RALGDS: variants seen among roughly 807,000 people sequenced by gnomAD.
RALGDS encodes ral guanine nucleotide dissociation stimulator, also known as ral guanine nucleotide exchange factor.
In RALGDS, 44 loss-of-function variants were observed where a neutral mutation model predicts 99.8. The observed-to-expected ratio is 0.44, with a 90% confidence interval of 0.35 to 0.57. RALGDS has a LOEUF of 0.57. Among genes scored for constraint, RALGDS ranks in the 20% least tolerant of loss-of-function variants. The pLI is 0.01. For synonymous variants in RALGDS, 529 were observed against 505.0 expected (o/e 1.05, Z -0.64); for missense variants, 1,022 against 1,203.1 (o/e 0.85, Z 2.23).
chr9:133,132,671 GCT>G (rs1216055549), upstream of RALGDS, among the ~76,000 whole-genome samples: 1 of 151,694 alleles, frequency 6.6e-6, no homozygotes, highest in Non-Finnish European at 1.5e-5. Flanking sequence ...ACGGAGTCTC[GCT>G]CTGTCACCCA....
chr9:133,130,976 A>C, exon 1 of RALGDS: 1 of 1,535,578 alleles, frequency 6.5e-7, no homozygotes, highest in Non-Finnish European at 8.7e-7. Flanking sequence ...GGCCGGGTGG[A>C]TGCCCAGTCC....
Position 133,101,989 on chromosome 9 carries a change from C to T in RALGDS, c.2160G>A (p.Glu720=), listed in dbSNP as rs890621721. The T allele has an allele frequency of 1.3e-6, 2 of 1,551,862 alleles. No homozygotes were observed. Among genetic ancestry groups the T allele is most frequent in the Admixed American group, 2.0e-5 (1 of 51,036 alleles). ...HSAGSSSSDV[E]EINISFVPES... ...CCGGGACGAAGCTGATGTTGATCTC[C>T]TCCACGTCGGAGCTAGAGGAGCCGG... The change falls in exon 15 of 18, where the codon GAG becomes GAA. Residue 720 remains glutamate (E), a synonymous_variant. Transcript: ENST00000372050.
intron 4 of RALGDS, among the ~76,000 whole-genome samples, chr9:133,109,246 A>G (rs1442050116): frequency 6.6e-6 from 1 of 152,148 alleles, no homozygotes; most frequent in Non-Finnish European, 1.5e-5. Flanking sequence ...GTTCTCCCAG[A>G]GGGTGGGGTG....
chr9:133,144,516 A>G lies in RALGDS; in HGVS notation c.18+4447T>C, dbSNP rs7864287. On this transcript the variant is annotated intron_variant, in intron 1 of 17. Coordinates refer to the RALGDS transcript ENST00000393160. The surrounding 1 kb of genome is among the most constrained non-coding windows in gnomAD (Gnocchi z 4.5). ...CCTGGCCTGTTTACAGCTGTGCGCA[A>G]GCTCCTCGCGACCCGAAAGCGAGAC... is the stretch of plus-strand genomic sequence containing the variant. Among the ~76,000 whole-genome samples, 56,903 of 151,940 alleles carry G rather than the reference A, an allele frequency of 0.37. 11,379 individuals are homozygous for G. Among genetic ancestry groups the G allele is most frequent in the African/African-American group, 0.5 (20,737 of 41,440 alleles).
intron 1 of RALGDS, 47 bp downstream of exon 1, chr9:133,120,925 G>C: frequency 6.9e-7 from 1 of 1,458,412 alleles, no homozygotes; most frequent in Non-Finnish European, 9.0e-7. Flanking sequence ...TGCCGCGGGT[G>C]GGGAGGCTCC....
intron 4 of RALGDS, among the ~76,000 whole-genome samples, chr9:133,109,128 T>G (rs890375203): frequency 2.0e-5 from 3 of 152,246 alleles, no homozygotes; most frequent in African/African-American, 4.8e-5. Context: ...TCGGTCCTCC[T>G]GCCGGGCATC....
chr9:133,099,246 C>T, intron 17 of RALGDS: 1 of 170,410 alleles, frequency 5.9e-6, no homozygotes, highest in Non-Finnish European at 1.3e-5. Context: ...TTCCCACCAT[C>T]TCCTCTGGCC....
intron 1 of RALGDS, among the ~76,000 whole-genome samples, chr9:133,139,466 C>G (rs115632387): frequency 1.6e-3 from 251 of 152,306 alleles, no homozygotes; most frequent in African/African-American, 5.8e-3. Flanking sequence ...CCCACCTGCC[C>G]ACTACCCCCA....
At chr9:133,126,881 G>C (rs892008085) in intron 1 of RALGDS, among the ~76,000 whole-genome samples, 7 of 152,324 alleles carry the variant, frequency 4.6e-5, no homozygotes, top group African/African-American at 1.2e-4. Flanking sequence ...TAGGGAAAAG[G>C]TGTGTTCAGG....
At chr9:133,139,932 C>T (rs640122) in intron 1 of RALGDS, among the ~76,000 whole-genome samples, 44,419 of 151,990 alleles carry the variant, frequency 0.29, 7,435 homozygotes, top group East Asian at 0.55. Context: ...TCCCCTGAGG[C>T]CAAGCCAGGG....
Position 133,144,595 on chromosome 9 carries a change from C to T in RALGDS, c.18+4368G>A, listed in dbSNP as rs1274091195. On this transcript the variant is annotated intron_variant, in intron 1 of 17. Transcript: ENST00000393160. This position sits in a 1 kb window ranked among gnomAD's most constrained non-coding sequence, Gnocchi z 4.5. ...TGGGCGGCCGCACGGGAGGGCACAG[C>T]GCCACCTGCTGGTGCTGCCGCCAGA... Among the ~76,000 whole-genome samples the T allele has an allele frequency of 2.6e-5, 4 of 152,228 alleles. No homozygotes were observed. The highest frequency in any genetic ancestry group is 1.3e-4 in the Admixed American group (2 of 15,288).
Position 133,107,266 on chromosome 9 carries a change from A to T in RALGDS, c.1232T>A (p.Leu411Gln). 6.2e-7 allele frequency: 1 copy of T among 1,613,756 alleles called. No individual in the cohort carries two copies. The highest frequency in any genetic ancestry group is 8.5e-7 in the Non-Finnish European group (1 of 1,179,994). ...LFKKVVPYHC[L>Q]GSIWSQRDKK... is the part of the protein sequence containing the mutation. ...GTCCCGCTGGGACCAGATGGAGCCCAGGCAGTGGTAGGGCACCACCTTCTT... is the reference window on the plus strand; with the variant it reads ...GTCCCGCTGGGACCAGATGGAGCCCTGGCAGTGGTAGGGCACCACCTTCTT... The change falls in exon 7 of 18, where the codon CTG (leucine) becomes CAG (glutamine). Residue 411 changes from leucine to glutamine, a missense_variant. Transcript: ENST00000372050.
intron 1 of RALGDS, among the ~76,000 whole-genome samples, chr9:133,147,572 G>A (rs1402757877): frequency 6.6e-6 from 1 of 152,198 alleles, no homozygotes; most frequent in Admixed American, 6.5e-5. Flanking sequence ...TTGTGGAGAG[G>A]GATGCTAGTA....
At chr9:133,113,456 C>T (rs964311295) in intron 1 of RALGDS, among the ~76,000 whole-genome samples, 4 of 152,196 alleles carry the variant, frequency 2.6e-5, no homozygotes, top group African/African-American at 9.7e-5. Context: ...AGGAAAGCTG[C>T]GGGCATTGTG....
chr9:133,146,626 A>T lies in RALGDS; in HGVS notation c.18+2337T>A, dbSNP rs371812468. ...ATCCCCTTCCTCCGAGGGTGATTGG[A>T]TTTAGTGACTGGCTTCTCACCAACA... is the stretch of plus-strand genomic sequence containing the variant. On this transcript the variant is annotated intron_variant, in intron 1 of 17. Coordinates refer to the RALGDS transcript ENST00000393160. 2.9e-4 allele frequency among the ~76,000 whole-genome samples: 44 copies of T among 152,250 alleles called. No homozygotes were observed. In the South Asian group the frequency reaches 8.9e-3, roughly 31 times the overall value.
chr9:133,101,333 C>T (rs763826626), intron 16 of RALGDS, 187 bp downstream of exon 16: 151 of 1,458,236 alleles, frequency 1.0e-4, no homozygotes, highest in Non-Finnish European at 1.4e-4. Context: ...CTGCTCCTTT[C>T]CTCCCCCTCT....
chr9:133,142,097 G>T (rs1010292454), intron 1 of RALGDS, among the ~76,000 whole-genome samples: 1 of 152,200 alleles, frequency 6.6e-6, no homozygotes, highest in Non-Finnish European at 1.5e-5. Flanking sequence ...TCCAGGAAGC[G>T]GCCTCTGTTG....
intron 1 of RALGDS, among the ~76,000 whole-genome samples, chr9:133,147,633 C>G (rs752328587): frequency 3.3e-5 from 5 of 152,176 alleles, no homozygotes; most frequent in Non-Finnish European, 5.9e-5. Flanking sequence ...GGGACCCTGC[C>G]GGGCTCTCCC....
rs1306414644 is a variant in RALGDS, at chr9:133,121,075, C to A, written c.80G>T (p.Arg27Leu). The A allele has an allele frequency of 6.7e-7, 1 of 1,482,054 alleles. No homozygotes were observed. Among genetic ancestry groups the A allele is most frequent in the African/African-American group, 1.5e-5 (1 of 68,286 alleles). The allele number at this position is 1,482,054 out of a possible 1,614,324, so 91.8% of individuals were successfully genotyped here. A position where few individuals can be genotyped will look rare whatever the true frequency, so the allele number is the denominator to read the frequency against. Residue 27 changes from arginine to leucine, a missense_variant, in exon 1 of 18, where the codon CGC becomes CTC. Arg to Leu is a moderately radical substitution (Grantham distance 102, BLOSUM62 -2). This residue lies in a region of RALGDS where 180 missense variants were observed against 169.3 expected (regional missense o/e 1.06). Coordinates refer to ENST00000372050, the MANE Select transcript of RALGDS (RefSeq NM_006266.4). ...EPLFPGSRRS[R>L]SVWDAVRLEV... ...CAGGCGCACGGCGTCCCACACGCTG[C>A]GGCTCCGCCGGGAGCCCGGAAACAG...
Sources: gnomAD v4.1 joint callset for allele counts (sites outside exome capture counted in the v4.1 genomes callset) on GRCh38, gnomAD v4.1.1 for gene constraint, gnomAD v4.1.1 regional missense constraint, Gnocchi (gnomAD v3.1) non-coding constraint, MANE v1.5 for transcripts, NCBI Gene and HGNC (gene_info 2026-07-23, HGNC 2026-07-21) for gene names.